The following AGBL1 variants were observed in gnomAD, a reference collection of about 807,000 sequenced individuals.
AGBL1 encodes the protein cytosolic carboxypeptidase 4.
In AGBL1, 130 loss-of-function variants were observed where a neutral mutation model predicts 118.9. The ratio of observed to expected loss-of-function variants is 1.09; its 90% confidence interval spans 0.95 to 1.26. AGBL1 has a LOEUF of 1.26. Among genes scored for constraint, AGBL1 ranks in the 50% most tolerant of loss-of-function variants. The probability of loss-of-function intolerance (pLI) is 0.00; values close to 1 mark genes in which losing one functional copy is unlikely to be tolerated. For synonymous variants in AGBL1, 555 were observed against 478.9 expected (o/e 1.16, Z -2.08); for missense variants, 1,584 against 1,298.1 (o/e 1.22, Z -3.38).
At chr15:86,421,328 A>T (rs1167912614) in intron 18 of AGBL1, among the ~76,000 whole-genome samples, 1 of 151,948 alleles carries the variant, frequency 6.6e-6, no homozygotes, top group African/African-American at 2.4e-5. Context: ...AAGAAAAAAA[A>T]CTCAGAATTT....
At chr15:87,026,888 G>A (rs1308348251) in intron 24 of AGBL1, among the ~76,000 whole-genome samples, 1 of 152,002 alleles carries the variant, frequency 6.6e-6, no homozygotes, top group East Asian at 1.9e-4. Context: ...ACTCAGGAAT[G>A]GAAAACCAAA....
At chr15:86,359,387 C>CTTTTTTTT (rs56189861) in intron 17 of AGBL1, among the ~76,000 whole-genome samples, 2 of 93,792 alleles carry the variant, frequency 2.1e-5, no homozygotes, top group African/African-American at 4.1e-5. Flanking sequence ...TATTGGTTTT[C>CTTTTTTTT]TTTTTTTTTT....
chr15:86,843,429 G>A (rs185769563), intron 22 of AGBL1, among the ~76,000 whole-genome samples: 1 of 152,136 alleles, frequency 6.6e-6, no homozygotes, highest in African/African-American at 2.4e-5. Context: ...ATGAAAAAGA[G>A]ATAGGGGTTG....
chr15:86,786,747 A>G (rs1173515901), intron 22 of AGBL1, among the ~76,000 whole-genome samples: 1 of 152,214 alleles, frequency 6.6e-6, no homozygotes, highest in African/African-American at 2.4e-5. Context: ...AGACATATGC[A>G]TGTTGCTACA....
At chr15:86,368,046 A>G (rs1300458868) in intron 17 of AGBL1, among the ~76,000 whole-genome samples, 1 of 152,136 alleles carries the variant, frequency 6.6e-6, no homozygotes, top group East Asian at 1.9e-4. Context: ...CCACAAAGAA[A>G]AGTACACTGA....
chr15:86,878,939 C>T (rs917987629), intron 22 of AGBL1, among the ~76,000 whole-genome samples: 6 of 152,194 alleles, frequency 3.9e-5, no homozygotes, highest in African/African-American at 1.4e-4. Context: ...AGCTGGTCCC[C>T]GCCTGAAGAG....
intron 18 of AGBL1, among the ~76,000 whole-genome samples, chr15:86,491,325 A>T (rs2082775711): frequency 6.6e-6 from 1 of 152,108 alleles, no homozygotes; most frequent in Admixed American, 6.5e-5. Context: ...ATTTGGTCAT[A>T]AAGAGAAAAG....
At position 86,759,615 on chromosome 15, in the gene AGBL1, T is replaced by A. The variant is rs188076446; in HGVS notation, c.3158+85179T>A. Among the ~76,000 whole-genome samples, 428 of 152,216 alleles carry A rather than the reference T, an allele frequency of 2.8e-3. 1 individual carries two copies. The highest frequency in any genetic ancestry group is 5.0e-3 in the Non-Finnish European group (337 of 67,990). ...CACAACTAGTTTCCCTTTGTAACATTTGGTGAGGTAGCCATTGTTAGAAAG... is the reference window on the plus strand; with the variant it reads ...CACAACTAGTTTCCCTTTGTAACATATGGTGAGGTAGCCATTGTTAGAAAG... On this transcript the variant is annotated intron_variant, in intron 22 of 22. Transcript: ENST00000614907.
chr15:86,620,172 TGAAAA>T (rs1461998446), intron 21 of AGBL1, among the ~76,000 whole-genome samples: 1 of 152,146 alleles, frequency 6.6e-6, no homozygotes. Context: ...AAGTAGAAGA[TGAAAA>T]GAAAGATCCA....
chr15:86,809,247 C>T (rs188091933), intron 22 of AGBL1, among the ~76,000 whole-genome samples: 457 of 152,194 alleles, frequency 3.0e-3, no homozygotes, highest in African/African-American at 0.01. Flanking sequence ...TAGCTCTTCT[C>T]GTTTTTCTAC....
intron 24 of AGBL1, chr15:86,988,198 GC>G: frequency 7.4e-7 from 1 of 1,343,650 alleles, no homozygotes; most frequent in East Asian, 2.4e-5. Context: ...AAATGGGTGG[GC>G]CAACAACAAA....
chr15:86,721,049 C>T (rs1197434972), intron 22 of AGBL1, among the ~76,000 whole-genome samples: 4 of 152,156 alleles, frequency 2.6e-5, no homozygotes, highest in Admixed American at 6.5e-5. Context: ...GATGGATTCA[C>T]AGCTGAATTC....
At chr15:86,546,221 GT>G (rs374062180) in intron 20 of AGBL1, 88 bp downstream of exon 20, 26,417 of 1,055,694 alleles carry the variant, frequency 0.025, 11 homozygotes, top group South Asian at 0.04. Context: ...CATTTATTTA[GT>G]TTTTTTTTTT....
intron 22 of AGBL1, among the ~76,000 whole-genome samples, chr15:86,675,777 T>C (rs1039657273): frequency 2.0e-5 from 3 of 152,130 alleles, no homozygotes; most frequent in Non-Finnish European, 4.4e-5. Flanking sequence ...TTTCCTTCTT[T>C]CTCTTTTTCC....
At chr15:86,903,980 G>A (rs2080247030) in intron 22 of AGBL1, among the ~76,000 whole-genome samples, 1 of 135,260 alleles carries the variant, frequency 7.4e-6, no homozygotes, top group South Asian at 2.3e-4. Context: ...GCTCCCGCAT[G>A]AGGGAGATGG....
chr15:86,779,646 G>T (rs1206797586), intron 22 of AGBL1, among the ~76,000 whole-genome samples: 1 of 152,052 alleles, frequency 6.6e-6, no homozygotes, highest in African/African-American at 2.4e-5. Flanking sequence ...TTTTAGCATT[G>T]TATGGAGAAT....
intron 22 of AGBL1, among the ~76,000 whole-genome samples, chr15:86,687,745 A>G (rs775293121): frequency 1.2e-4 from 18 of 152,164 alleles, no homozygotes; most frequent in Non-Finnish European, 2.5e-4. Flanking sequence ...CAAAGTGTAC[A>G]TAATGATTAC....
chr15:86,991,791 G>A (rs552391917), intron 24 of AGBL1, among the ~76,000 whole-genome samples: 1 of 152,274 alleles, frequency 6.6e-6, no homozygotes, highest in East Asian at 1.9e-4. Flanking sequence ...AATTCCCTCA[G>A]TAATCACCAA....
At chr15:86,736,898 G>A (rs888536758) in intron 22 of AGBL1, among the ~76,000 whole-genome samples, 4 of 152,030 alleles carry the variant, frequency 2.6e-5, no homozygotes, top group South Asian at 2.1e-4. Flanking sequence ...GAATCCTCAC[G>A]TATTATGTTT....
Sources: allele counts gnomAD v4.1 joint callset (sites outside exome capture counted in the v4.1 genomes callset), GRCh38; gene constraint gnomAD v4.1.1; transcripts MANE v1.5; gene names NCBI Gene and HGNC (gene_info 2026-07-23, HGNC 2026-07-21).